The following OCLN variants were observed in gnomAD, a reference collection of about 807,000 sequenced individuals.
OCLN encodes occludin.
A neutral mutation model predicts 47.9 loss-of-function variants in OCLN; 21 were observed. The observed-to-expected ratio is 0.44, with a 90% CI of 0.31 to 0.63. The LOEUF (loss-of-function observed/expected upper bound fraction) is 0.63, where lower values mean the gene tolerates loss of function less well. Ranked by LOEUF, OCLN falls within the 30% of genes least tolerant of loss-of-function variation. The probability of loss-of-function intolerance (pLI) is 0.08; values close to 1 mark genes in which losing one functional copy is unlikely to be tolerated. For missense variants in OCLN, 360 were observed against 571.0 expected (o/e 0.63, Z 3.77); for synonymous variants, 117 against 198.4 (o/e 0.59, Z 3.45).
chr5:69,495,604 C>G (rs1768266418), intron 1 of OCLN, among the ~76,000 whole-genome samples: 1 of 152,112 alleles, frequency 6.6e-6, no homozygotes, highest in African/African-American at 2.4e-5. Flanking sequence ...TAATTGAGTA[C>G]TCATTGACAA....
In OCLN at chr5:69,513,939, C is replaced by T; in HGVS notation, c.730-9C>T. On this transcript the variant is annotated splice_polypyrimidine_tract_variant and intron_variant, in intron 3 of 8. Transcript: ENST00000396442. The stretch of plus-strand genomic sequence containing the variant: ...TCTAATTATGCCAATATTTTCCACT[C>T]CTTTTTAGGCCATTGCCATTGTACT... 1.9e-6 allele frequency: 3 copies of T among 1,610,432 alleles called. No individual in the cohort carries two copies. The highest frequency in any genetic ancestry group is 1.1e-5 in the South Asian group (1 of 91,028).
chr5:69,509,604 T>C lies in OCLN; in HGVS notation c.514T>C (p.Tyr172His). 6.2e-7 allele frequency: 1 copy of C among 1,614,196 alleles called. No homozygotes were observed. Among genetic ancestry groups the C allele is most frequent in the South Asian group, 1.1e-5 (1 of 91,082 alleles). Residue 172 changes from tyrosine to histidine, a missense_variant, in exon 3 of 9, where the codon TAC becomes CAC. Transcript: ENST00000396442. ...RSEMSRTRRYYLSVIIVSAIL... is the reference protein window; with the variant it reads ...RSEMSRTRRYHLSVIIVSAIL... ...TGAAATGTCCAGAACAAGAAGATAC[T>C]ACTTAAGTGTGATAATAGTGAGTGC...
intron 4 of OCLN, among the ~76,000 whole-genome samples, chr5:69,515,195 G>C (rs1490637181): frequency 2.7e-5 from 4 of 148,898 alleles, no homozygotes; most frequent in Admixed American, 2.6e-4. Context: ...GGCTGGCCGG[G>C]CAGAGGGGCT....
At chr5:69,534,607 A>C in intron 4 of OCLN, 87 bp from the exon 5 acceptor site, 1 of 411,692 alleles carries the variant, frequency 2.4e-6, no homozygotes, top group East Asian at 3.6e-5. Context: ...CATAAATATT[A>C]GATAATGTAT....
At chr5:69,515,932 A>G (rs1580563875) in intron 4 of OCLN, among the ~76,000 whole-genome samples, 1 of 147,672 alleles carries the variant, frequency 6.8e-6, no homozygotes, top group Admixed American at 6.7e-5. Context: ...CACTTCCTAG[A>G]TGGCATGGGG....
At chr5:69,527,711 A>G (rs1769320494) in intron 4 of OCLN, among the ~76,000 whole-genome samples, 1 of 152,170 alleles carries the variant, frequency 6.6e-6, no homozygotes, top group Non-Finnish European at 1.5e-5. Context: ...TTATTGCCAC[A>G]AAGAGTCTAT....
intron 4 of OCLN, among the ~76,000 whole-genome samples, chr5:69,521,361 G>A (rs181088074): frequency 4.4e-4 from 67 of 152,220 alleles, no homozygotes; most frequent in African/African-American, 1.6e-3. Flanking sequence ...GTGTTCAGTT[G>A]TTTACTATTA....
intron 4 of OCLN, among the ~76,000 whole-genome samples, chr5:69,514,576 G>C (rs1409640411): frequency 4.0e-5 from 6 of 151,846 alleles, no homozygotes; most frequent in Admixed American, 2.6e-4. Flanking sequence ...TCACAGAGGG[G>C]GATTTGGCAG....
At chr5:69,527,780 C>T (rs969630533) in intron 4 of OCLN, among the ~76,000 whole-genome samples, 2 of 151,866 alleles carry the variant, frequency 1.3e-5, no homozygotes, top group African/African-American at 4.8e-5. Flanking sequence ...GTGTCTGAAC[C>T]GCAGAAGGGA....
At chr5:69,530,329 A>G (rs1229999920) in intron 4 of OCLN, among the ~76,000 whole-genome samples, 1 of 152,214 alleles carries the variant, frequency 6.6e-6, no homozygotes, top group African/African-American at 2.4e-5. Flanking sequence ...TAGGAAATAC[A>G]GGTTGGGGAC....
intron 3 of OCLN, among the ~76,000 whole-genome samples, chr5:69,511,098 G>A (rs963062982): frequency 2.0e-5 from 3 of 151,578 alleles, no homozygotes; most frequent in Admixed American, 6.6e-5. Flanking sequence ...TTTTTGAGAC[G>A]GAGTCTTGCT....
At chr5:69,504,335 T>A (rs956935330) in intron 2 of OCLN, 41 bp downstream of exon 2, 1 of 1,189,464 alleles carries the variant, frequency 8.4e-7, no homozygotes, top group Non-Finnish European at 1.3e-6. Flanking sequence ...TTAAAAAGTC[T>A]ATCACATGTA....
chr5:69,525,902 G>A (rs1465179001), intron 4 of OCLN, among the ~76,000 whole-genome samples: 1 of 152,104 alleles, frequency 6.6e-6, no homozygotes, highest in African/African-American at 2.4e-5. Context: ...GATAAAAGTA[G>A]GTACCCTCAG....
chr5:69,516,285 C>G (rs934761560), intron 4 of OCLN, among the ~76,000 whole-genome samples: 1 of 152,234 alleles, frequency 6.6e-6, no homozygotes, highest in Non-Finnish European at 1.5e-5. Flanking sequence ...AGTCGCAGTT[C>G]GGAGCTGGAG....
intron 4 of OCLN, among the ~76,000 whole-genome samples, chr5:69,530,961 G>A (rs28703202): frequency 0.036 from 5,517 of 152,320 alleles, 142 homozygotes; most frequent in Middle Eastern, 0.082. Context: ...TGGTCCTTTG[G>A]AGACTCGAAG....
In OCLN at chr5:69,513,625, C is replaced by T. The variant is rs116499721; in HGVS notation, c.730-323C>T. Among the ~76,000 whole-genome samples the T allele has an allele frequency of 6.2e-3, 947 of 152,254 alleles. 12 individuals are homozygous for T. Among genetic ancestry groups the T allele is most frequent in the African/African-American group, 0.021 (892 of 41,538 alleles). Reference sequence around the variant, plus strand: ...TCTCGTAGGTGCACAAAGCTTGGCCCGTAGGTGTACAAGCTTTGGAACTAG... The same window carrying T: ...TCTCGTAGGTGCACAAAGCTTGGCCTGTAGGTGTACAAGCTTTGGAACTAG... On this transcript the variant is annotated intron_variant, in intron 3 of 8. Transcript: ENST00000396442.
At position 69,553,754 on chromosome 5, in the gene OCLN, A is replaced by G. The variant is rs1015915225; in HGVS notation, c.*83A>G. 32 of 1,589,282 alleles carry G rather than the reference A, an allele frequency of 2.0e-5. No individual in the cohort carries two copies. Among genetic ancestry groups the G allele is most frequent in the Middle Eastern group, 3.3e-4 (2 of 5,978 alleles). ...AGAAGGCAAATGACTTTGGACCATA[A>G]CCCCGGAAGCCAAACCTCTGTGAGC... is the stretch of plus-strand genomic sequence containing the variant. On this transcript the variant is annotated 3_prime_UTR_variant, in exon 9 of 9. Transcript: ENST00000396442.
At chr5:69,516,503 G>A (rs1017748452) in intron 4 of OCLN, among the ~76,000 whole-genome samples, 1 of 151,598 alleles carries the variant, frequency 6.6e-6, no homozygotes, top group Non-Finnish European at 1.5e-5. Flanking sequence ...GAGGGAGAGG[G>A]AGACCGTGGG....
At chr5:69,525,985 G>T (rs896598952) in intron 4 of OCLN, among the ~76,000 whole-genome samples, 3 of 152,116 alleles carry the variant, frequency 2.0e-5, no homozygotes, top group African/African-American at 7.2e-5. Context: ...AGAAAACCAG[G>T]CACTGTCAGG....
Sources: allele counts gnomAD v4.1 joint callset (sites outside exome capture counted in the v4.1 genomes callset), GRCh38; gene constraint gnomAD v4.1.1; transcripts MANE v1.5; gene names NCBI Gene and HGNC (gene_info 2026-07-23, HGNC 2026-07-21).